The following ZDHHC15 variants were observed in gnomAD, a reference collection of about 807,000 sequenced individuals.
ZDHHC15 encodes zDHHC palmitoyltransferase 15.
ZDHHC15 carries 19 observed loss-of-function variants against 31.7 expected under a neutral mutation model. The observed-to-expected ratio is 0.60, with a 90% CI of 0.42 to 0.88. The LOEUF (loss-of-function observed/expected upper bound fraction) is 0.88. ZDHHC15 is among the 40% of genes least tolerant of loss of function. The pLI is 0.00. For synonymous variants in ZDHHC15, 103 were observed against 90.0 expected (o/e 1.14, Z -0.82); for missense variants, 209 against 251.2 (o/e 0.83, Z 1.14).
intron 6 of ZDHHC15, among the ~76,000 whole-genome samples, chrX:75,429,462 A>G (rs2083752183): frequency 8.9e-6 from 1 of 111,816 alleles, no homozygotes; most frequent in Non-Finnish European, 1.9e-5. Flanking sequence ...CATCCAAGCA[A>G]ACCTGGATCC....
chrX:75,391,572 T>A (rs1319975024), intron 10 of ZDHHC15, among the ~76,000 whole-genome samples: 2 of 112,171 alleles, frequency 1.8e-5, no homozygotes, highest in African/African-American at 6.5e-5. Flanking sequence ...TTTAAAGTGT[T>A]GAAGGAATAA....
chrX:75,499,304 G>A (rs2148034199), intron 2 of ZDHHC15, among the ~76,000 whole-genome samples: 1 of 111,734 alleles, frequency 8.9e-6, no homozygotes, highest in Non-Finnish European at 1.9e-5. Context: ...AAAAGCTTCT[G>A]CACAGCAAAA....
chrX:75,481,217 A>G (rs1179042913), intron 2 of ZDHHC15, among the ~76,000 whole-genome samples: 2 of 111,247 alleles, frequency 1.8e-5, no homozygotes, highest in African/African-American at 3.3e-5. Flanking sequence ...TCAGTATGGG[A>G]GTGTGAAATC....
intron 2 of ZDHHC15, chrX:75,502,193 A>G (rs1325757213): frequency 1.8e-5 from 2 of 111,728 alleles, no homozygotes; most frequent in Admixed American, 9.6e-5. Flanking sequence ...TCTCCTTGGC[A>G]TGTAGATAGT....
intron 10 of ZDHHC15, among the ~76,000 whole-genome samples, chrX:75,405,581 T>C (rs1032576985): frequency 6.3e-5 from 7 of 111,734 alleles, no homozygotes; most frequent in African/African-American, 2.3e-4. Context: ...AAGGTCACTA[T>C]ATAATGATAA....
At chrX:75,490,672 A>G (rs1410185948) in intron 2 of ZDHHC15, among the ~76,000 whole-genome samples, 3 of 111,036 alleles carry the variant, frequency 2.7e-5, no homozygotes, top group Non-Finnish European at 5.7e-5. Flanking sequence ...TTCATTGAGC[A>G]GTGGTTTGTA....
At chrX:75,499,414 C>A (rs2085057005) in intron 2 of ZDHHC15, among the ~76,000 whole-genome samples, 1 of 111,422 alleles carries the variant, frequency 9.0e-6, no homozygotes, top group Non-Finnish European at 1.9e-5. Flanking sequence ...CTACAAGGAA[C>A]TCAAACAAAT....
At position 75,421,929 on chromosome X, in the gene ZDHHC15, G is replaced by A; in HGVS notation, c.798C>T (p.Phe266=). The A allele has an allele frequency of 1.7e-6, 2 of 1,210,431 alleles. No individual in the cohort carries two copies. The highest frequency in any genetic ancestry group is 2.2e-6 in the Non-Finnish European group (2 of 894,734). Residue 266 remains phenylalanine (F), a synonymous_variant, in exon 9 of 12, where the codon TTC becomes TTT. Transcript: ENST00000373367. ...CAAACACCTGCTGGATATTCTTGATGAAGCCAAGGTTGAACCCATTTTTCT... is the reference window on the plus strand; with the variant it reads ...CAAACACCTGCTGGATATTCTTGATAAAGCCAAGGTTGAACCCATTTTTCT... The part of the protein sequence containing the change: ...GPEKNGFNLG[F]IKNIQQVFGD...
chrX:75,389,137 C>G lies in ZDHHC15; in HGVS notation c.968-9939G>C, dbSNP rs1449765001. Among the ~76,000 whole-genome samples, 3 of 111,423 alleles carry G rather than the reference C, an allele frequency of 2.7e-5. No individual in the cohort carries two copies. In the East Asian group the frequency reaches 8.5e-4, roughly 32 times the overall value. ...GAAAGCAATACTGGGCAGAACTCAGCTGGTGCCCACAGAGGGAACATTTAG... is the reference window on the plus strand; with the variant it reads ...GAAAGCAATACTGGGCAGAACTCAGGTGGTGCCCACAGAGGGAACATTTAG... On this transcript the variant is annotated intron_variant, in intron 10 of 11. Transcript: ENST00000373367.
chrX:75,381,359 C>A lies in ZDHHC15; in HGVS notation c.968-2161G>T, dbSNP rs746913481. On this transcript the variant is annotated intron_variant, in intron 10 of 11. Transcript: ENST00000373367. ...TTACCTCCAAGGATTTAACTGCCAT[C>A]TCTATACAAATGACTCCCAGATCTC... Among the ~76,000 whole-genome samples the A allele has an allele frequency of 4.5e-5, 5 of 111,616 alleles. No homozygotes were observed. The East Asian group carries it at 1.4e-3, about 31-fold the overall frequency.
At chrX:75,498,342 A>T (rs2085039550) in intron 2 of ZDHHC15, among the ~76,000 whole-genome samples, 1 of 111,372 alleles carries the variant, frequency 9.0e-6, no homozygotes, top group Non-Finnish European at 1.9e-5. Flanking sequence ...TCTGTAGAGA[A>T]ATTCAAACTG....
chrX:75,476,967 G>T (rs2084615121), intron 3 of ZDHHC15, among the ~76,000 whole-genome samples: 1 of 110,995 alleles, frequency 9.0e-6, no homozygotes, highest in South Asian at 3.7e-4. Context: ...AAGATGAAAA[G>T]TCAGACTATT....
intron 1 of ZDHHC15, among the ~76,000 whole-genome samples, chrX:75,506,140 T>G (rs1480276251): frequency 8.9e-6 from 1 of 111,815 alleles, no homozygotes; most frequent in Non-Finnish European, 1.9e-5. Context: ...TCCATTGGGC[T>G]CTAATTAGCT....
chrX:75,489,895 A>G (rs1160616016), intron 2 of ZDHHC15, among the ~76,000 whole-genome samples: 1 of 112,307 alleles, frequency 8.9e-6, no homozygotes, highest in Non-Finnish European at 1.9e-5. Context: ...AAGTCCTTAA[A>G]GGACCTGATG....
At chrX:75,487,020 C>T (rs1244729837) in intron 2 of ZDHHC15, among the ~76,000 whole-genome samples, 1 of 111,617 alleles carries the variant, frequency 9.0e-6, no homozygotes, top group Non-Finnish European at 1.9e-5. Context: ...ACATACCCTT[C>T]TACTACAGCA....
intron 5 of ZDHHC15, among the ~76,000 whole-genome samples, chrX:75,430,723 C>T (rs950857855): frequency 7.2e-5 from 8 of 111,405 alleles, no homozygotes; most frequent in Admixed American, 6.7e-4. Flanking sequence ...TGACATACTA[C>T]CTCAGCCAGA....
intron 10 of ZDHHC15, among the ~76,000 whole-genome samples, chrX:75,386,583 C>G (rs895691135): frequency 1.8e-5 from 2 of 110,771 alleles, no homozygotes; most frequent in Non-Finnish European, 3.8e-5. Flanking sequence ...AAGCGATCCT[C>G]CCACCTCTCA....
intron 3 of ZDHHC15, among the ~76,000 whole-genome samples, chrX:75,452,113 A>T (rs959537622): frequency 9.1e-6 from 1 of 109,689 alleles, no homozygotes; most frequent in African/African-American, 3.3e-5. Context: ...AAGACCCATC[A>T]GAGTGCTGTA....
At position 75,372,503 on chromosome X, in the gene ZDHHC15, T is replaced by C. The variant is rs763224517; in HGVS notation, c.*475A>G. On this transcript the variant is annotated 3_prime_UTR_variant, in exon 12 of 12. Coordinates refer to ENST00000373367, the MANE Select transcript of ZDHHC15 (RefSeq NM_144969.3). ...TTTCACACTATAGCAGAATTTTGTATAGATATGCTGTACGTGTTCACAAAT... is the reference window on the plus strand; with the variant it reads ...TTTCACACTATAGCAGAATTTTGTACAGATATGCTGTACGTGTTCACAAAT... 2 of 111,723 alleles carry C rather than the reference T, an allele frequency of 1.8e-5. No individual in the cohort carries two copies. Among genetic ancestry groups the C allele is most frequent in the South Asian group, 7.5e-4 (2 of 2,674 alleles). 9.2% of individuals were successfully genotyped at this position (111,723 alleles called of 1,213,427 possible). A position where few individuals can be genotyped will look rare whatever the true frequency, so the allele number is the denominator to read the frequency against.
Sources: allele counts gnomAD v4.1 joint callset (sites outside exome capture counted in the v4.1 genomes callset), GRCh38; gene constraint gnomAD v4.1.1; transcripts MANE v1.5; gene names NCBI Gene and HGNC (gene_info 2026-07-23, HGNC 2026-07-21).